PDE1C: variants seen among roughly 807,000 people sequenced by gnomAD.
PDE1C encodes dual specificity calcium/calmodulin-dependent 3',5'-cyclic nucleotide phosphodiesterase 1C.
PDE1C carries 62 observed loss-of-function variants against 93.1 expected under a neutral mutation model. The observed-to-expected ratio is 0.67, with a 90% CI of 0.54 to 0.82. The LOEUF is 0.82. Ranked by LOEUF, PDE1C falls within the 40% of genes least tolerant of loss-of-function variation. The pLI, the probability that PDE1C is intolerant of heterozygous loss-of-function variation, is 0.00. For synonymous variants in PDE1C, 325 were observed against 310.1 expected, an observed-to-expected ratio of 1.05 and a Z score of -0.50; for missense variants, 742 against 884.6, an observed-to-expected ratio of 0.84 and a Z score of 2.04.
At chr7:31,755,629 C>G (rs572688580) in intron 17 of PDE1C, among the ~76,000 whole-genome samples, 47 of 151,936 alleles carry the variant, frequency 3.1e-4, no homozygotes, top group Non-Finnish European at 2.5e-4. Context: ...CAAAGGAGCC[C>G]TGAATGAAAG....
At chr7:32,260,859 G>T (rs1286675162) in intron 1 of PDE1C, among the ~76,000 whole-genome samples, 2 of 152,234 alleles carry the variant, frequency 1.3e-5, no homozygotes, top group African/African-American at 4.8e-5. Context: ...AGTGGCTCAT[G>T]CCTGTAATCC....
At chr7:32,115,399 A>G (rs143823916) in intron 3 of PDE1C, among the ~76,000 whole-genome samples, 9 of 152,286 alleles carry the variant, frequency 5.9e-5, no homozygotes, top group South Asian at 2.1e-4. Flanking sequence ...GTTCTCACTC[A>G]TAAGTGGGAG....
intron 16 of PDE1C, among the ~76,000 whole-genome samples, chr7:31,782,071 T>C (rs574791975): frequency 5.9e-5 from 9 of 152,316 alleles, no homozygotes; most frequent in African/African-American, 1.7e-4. Flanking sequence ...AAGAGCTCCA[T>C]TGCTGCTATT....
At chr7:32,255,336 G>A (rs1394590559) in intron 1 of PDE1C, among the ~76,000 whole-genome samples, 2 of 152,292 alleles carry the variant, frequency 1.3e-5, no homozygotes, top group East Asian at 3.9e-4. Context: ...AGGGGAAGGA[G>A]CCTGGGCTTT....
chr7:31,756,221 C>T (rs73311184), intron 17 of PDE1C, among the ~76,000 whole-genome samples: 1 of 152,036 alleles, frequency 6.6e-6, no homozygotes, highest in Admixed American at 6.6e-5. Flanking sequence ...ATAGAGAAAT[C>T]TAGTAAACAC....
intron 1 of PDE1C, among the ~76,000 whole-genome samples, chr7:32,320,421 G>A (rs1783265763): frequency 1.3e-5 from 2 of 152,148 alleles, no homozygotes; most frequent in African/African-American, 4.8e-5. Context: ...CTTCATACCT[G>A]AATGATGGGG....
Position 32,267,584 on chromosome 7 carries a change from ACACTCTCTCTCTCT to A in PDE1C, c.85+31053_85+31066del, listed in dbSNP as rs1462838695. On this transcript the variant is annotated intron_variant, in intron 1 of 18. Coordinates refer to the PDE1C transcript ENST00000396193. ...CTTTCTCTCTCTCTCACACACACACACACTCTCTCTCTCTCTCTCTCTCTCTCTCTCTCTCTCTC... is the reference window on the plus strand; with the variant it reads ...CTTTCTCTCTCTCTCACACACACACACTCTCTCTCTCTCTCTCTCTCTCTC... Among the ~76,000 whole-genome samples the A allele has an allele frequency of 5.1e-3, 573 of 113,130 alleles. 2 individuals carry two copies. The highest frequency in any genetic ancestry group is 7.9e-3 in the Non-Finnish European group (429 of 54,446). The allele number at this position is 113,130 out of a possible 152,430, so 74.2% of individuals were successfully genotyped here.
At chr7:31,983,638 A>T (rs6462319) in intron 2 of PDE1C, among the ~76,000 whole-genome samples, 86,196 of 151,254 alleles carry the variant, frequency 0.57, 25,008 homozygotes, top group African/African-American at 0.65. Flanking sequence ...AATTTTTTTT[A>T]AAAAATCACC....
chr7:32,143,018 T>A (rs1005385886), intron 3 of PDE1C, among the ~76,000 whole-genome samples: 1 of 152,042 alleles, frequency 6.6e-6, no homozygotes. Flanking sequence ...TGACAGCTTT[T>A]GGTCTTGCAG....
chr7:32,229,622 C>T (rs1270127998), intron 1 of PDE1C, among the ~76,000 whole-genome samples: 1 of 152,172 alleles, frequency 6.6e-6, no homozygotes, highest in Admixed American at 6.5e-5. Flanking sequence ...GAATCACAGG[C>T]ATCTAGACCA....
intron 3 of PDE1C, among the ~76,000 whole-genome samples, chr7:32,108,812 A>C (rs1798488108): frequency 6.6e-6 from 1 of 152,230 alleles, no homozygotes; most frequent in African/African-American, 2.4e-5. Flanking sequence ...CTACAGACCC[A>C]GGCAGGCAAG....
At chr7:32,329,873 G>A (rs1007426233) in intron 1 of PDE1C, among the ~76,000 whole-genome samples, 6 of 152,186 alleles carry the variant, frequency 3.9e-5, no homozygotes, top group Non-Finnish European at 5.9e-5. Flanking sequence ...AAAGGAACTC[G>A]AGATGGATTA....
intron 2 of PDE1C, among the ~76,000 whole-genome samples, chr7:32,012,999 C>T (rs1194404464): frequency 6.6e-6 from 1 of 152,160 alleles, no homozygotes. Context: ...ATCATAACAA[C>T]AATAAAGTCC....
chr7:32,109,760 G>T (rs554244488), intron 3 of PDE1C, among the ~76,000 whole-genome samples: 1 of 149,614 alleles, frequency 6.7e-6, no homozygotes, highest in African/African-American at 2.5e-5. Context: ...CAGGTGATTT[G>T]TCTTTTCATT....
the PDE1C span, among the ~76,000 whole-genome samples, chr7:31,689,690 A>C: frequency 6.6e-6 from 1 of 152,130 alleles, no homozygotes; most frequent in East Asian, 1.9e-4. Flanking sequence ...GAAAATTATC[A>C]ATAAGCCAAC....
intron 1 of PDE1C, among the ~76,000 whole-genome samples, chr7:32,222,870 C>T (rs1806978804): frequency 6.6e-6 from 1 of 152,180 alleles, no homozygotes; most frequent in South Asian, 2.1e-4. Context: ...CACTTTCCCC[C>T]TACTCGCCCC....
intron 3 of PDE1C, among the ~76,000 whole-genome samples, chr7:32,110,668 C>G (rs1798590643): frequency 6.6e-6 from 1 of 152,128 alleles, no homozygotes. Flanking sequence ...ATTCTGAGAT[C>G]AGAGGCAGGT....
At chr7:32,320,530 G>T (rs541539711) in intron 1 of PDE1C, among the ~76,000 whole-genome samples, 12 of 152,122 alleles carry the variant, frequency 7.9e-5, no homozygotes, top group African/African-American at 2.4e-4. Context: ...GGGGAAAAAG[G>T]TAGAGTTAAA....
At chr7:31,879,428 C>T (rs1216806080) in intron 3 of PDE1C, 1 of 428,134 alleles carries the variant, frequency 2.3e-6, no homozygotes, top group Non-Finnish European at 4.2e-6. Context: ...AGGAACTGGT[C>T]CATTGTACCC....
Sources: gnomAD v4.1 joint callset for allele counts (sites outside exome capture counted in the v4.1 genomes callset) on GRCh38, gnomAD v4.1.1 for gene constraint, MANE v1.5 for transcripts, NCBI Gene and HGNC (gene_info 2026-07-23, HGNC 2026-07-21) for gene names.